TENM3: variants seen among roughly 807,000 people sequenced by gnomAD.
TENM3 encodes teneurin-3.
A neutral mutation model predicts 255.1 loss-of-function variants in TENM3; 63 were observed. The ratio of observed to expected loss-of-function variants is 0.25; its 90% CI spans 0.20 to 0.30. The LOEUF is 0.30. Among genes scored for constraint, TENM3 ranks in the 10% least tolerant of loss-of-function variants. The pLI is 1.00. For missense variants in TENM3, 2,929 were observed against 3,461.1 expected (o/e 0.85, Z 3.86); for synonymous variants, 1,306 against 1,322.3 (o/e 0.99, Z 0.27).
chr4:181,767,750 A>C, the TENM3 span, among the ~76,000 whole-genome samples: 1 of 152,088 alleles, frequency 6.6e-6, no homozygotes, highest in Non-Finnish European at 1.5e-5. Flanking sequence ...TCTATGAATT[A>C]GTTATTCAAC....
the TENM3 span, among the ~76,000 whole-genome samples, chr4:182,048,732 C>T: frequency 6.8e-6 from 1 of 146,448 alleles, no homozygotes; most frequent in African/African-American, 2.6e-5. Context: ...TCATGAGAGC[C>T]AATCTCACTT....
chr4:182,047,756 G>C, the TENM3 span, among the ~76,000 whole-genome samples: 2 of 151,890 alleles, frequency 1.3e-5, no homozygotes, highest in East Asian at 1.9e-4. Context: ...TAAGTGCATC[G>C]TACCCCATTC....
the TENM3 span, among the ~76,000 whole-genome samples, chr4:181,633,013 C>G: frequency 1.3e-5 from 2 of 152,166 alleles, no homozygotes; most frequent in Admixed American, 1.3e-4. Context: ...CCATGACAAA[C>G]ATGCTCTCAG....
At chr4:182,562,557 A>G (rs1286762114) in intron 3 of TENM3, among the ~76,000 whole-genome samples, 3 of 151,962 alleles carry the variant, frequency 2.0e-5, no homozygotes, top group African/African-American at 7.3e-5. Flanking sequence ...TGGCTGCCCT[A>G]CCGTGACACC....
chr4:182,090,434 G>C, the TENM3 span, among the ~76,000 whole-genome samples: 2 of 152,118 alleles, frequency 1.3e-5, no homozygotes, highest in Non-Finnish European at 1.5e-5. Flanking sequence ...CCCTCCAACT[G>C]AATAAAGATC....
chr4:181,484,581 C>G, the TENM3 span, among the ~76,000 whole-genome samples: 1 of 152,180 alleles, frequency 6.6e-6, no homozygotes, highest in Non-Finnish European at 1.5e-5. Context: ...TTGTAACTGA[C>G]ACTAGAGGCC....
At chr4:182,382,649 G>A (rs1474522095) in intron 3 of TENM3, among the ~76,000 whole-genome samples, 4 of 152,130 alleles carry the variant, frequency 2.6e-5, no homozygotes, top group Non-Finnish European at 4.4e-5. Flanking sequence ...TGCCCAGGCT[G>A]CCTCCCAGAT....
chr4:182,778,054 C>CTT (rs1764844028), intron 24 of TENM3, among the ~76,000 whole-genome samples: 1 of 151,974 alleles, frequency 6.6e-6, no homozygotes, highest in African/African-American at 2.4e-5. Flanking sequence ...CCATTCTGTA[C>CTT]TTACTTGTTT....
At chr4:182,489,577 A>C (rs1164102020) in intron 3 of TENM3, among the ~76,000 whole-genome samples, 1 of 152,180 alleles carries the variant, frequency 6.6e-6, no homozygotes, top group Non-Finnish European at 1.5e-5. Context: ...AGTTATAAAA[A>C]CACCATACTG....
At chr4:181,966,534 T>C in the TENM3 span, among the ~76,000 whole-genome samples, 3 of 152,200 alleles carry the variant, frequency 2.0e-5, no homozygotes, top group Non-Finnish European at 2.9e-5. Flanking sequence ...TGGTGTCTTC[T>C]GTCTTCCCCA....
At chr4:181,738,656 T>C in the TENM3 span, among the ~76,000 whole-genome samples, 2 of 151,932 alleles carry the variant, frequency 1.3e-5, no homozygotes, top group African/African-American at 4.8e-5. Context: ...TTAGTTTTCC[T>C]ATTTGCTTTT....
At position 182,778,651 on chromosome 4, in the gene TENM3, T is replaced by G. The variant is rs151265461; in HGVS notation, c.5304+3498T>G. Among the ~76,000 whole-genome samples, 90 of 152,350 alleles carry G rather than the reference T, an allele frequency of 5.9e-4. 1 individual carries two copies. The East Asian group carries it at 0.016, about 28-fold the overall frequency. ...GAAAATTGTGTAGCGTCATATTCTT[T>G]TCAAGCATATTCCAGAGGGAAGATT... On this transcript the variant is annotated intron_variant, in intron 24 of 27. Transcript: ENST00000511685.
At chr4:182,162,609 T>A (rs1205716974) in intron 1 of TENM3, among the ~76,000 whole-genome samples, 1 of 152,098 alleles carries the variant, frequency 6.6e-6, no homozygotes, top group Non-Finnish European at 1.5e-5. Flanking sequence ...GACTAGACAG[T>A]TTATAGACAA....
the TENM3 span, among the ~76,000 whole-genome samples, chr4:181,527,399 C>T: frequency 2.4e-3 from 365 of 152,094 alleles, 2 homozygotes; most frequent in African/African-American, 8.2e-3. Context: ...GACAGAGTCT[C>T]GCTTTGTCAC....
chr4:182,118,175 G>A, the TENM3 span, among the ~76,000 whole-genome samples: 1 of 151,892 alleles, frequency 6.6e-6, no homozygotes, highest in East Asian at 1.9e-4. Flanking sequence ...AATTCCAGGA[G>A]GTTTTTTTGT....
At chr4:181,593,826 A>G in the TENM3 span, among the ~76,000 whole-genome samples, 30 of 152,320 alleles carry the variant, frequency 2.0e-4, no homozygotes, top group African/African-American at 6.3e-4. Flanking sequence ...AGTTGGAGGT[A>G]TGGAAAATAT....
At chr4:182,730,492 ACTT>A (rs1352180408) in intron 15 of TENM3, among the ~76,000 whole-genome samples, 173 bp downstream of exon 15, 1 of 152,244 alleles carries the variant, frequency 6.6e-6, no homozygotes, top group Non-Finnish European at 1.5e-5. Flanking sequence ...ATACTCACAT[ACTT>A]CTTCAAAAGT....
rs764787578 is a variant in TENM3 at position 182,793,015 on chromosome 4, A to C, written c.6343A>C (p.Arg2115=). 10 of 1,613,958 alleles carry C rather than the reference A, an allele frequency of 6.2e-6. No individual in the cohort carries two copies. The highest frequency in any genetic ancestry group is 7.6e-6 in the Non-Finnish European group (9 of 1,179,864). ...QYDNMGRVTK[R]EIKIGPFANT... ...TGATAACATGGGTCGGGTAACCAAG[A>C]GAGAGATTAAAATAGGGCCCTTTGC... The change falls in exon 26 of 28, where the codon AGA becomes CGA. Residue 2115 remains arginine, a synonymous_variant. Transcript: ENST00000511685. The surrounding 1 kb of genome is among the most constrained non-coding windows in gnomAD (Gnocchi z 5.7).
At chr4:182,656,831 A>G (rs1421834172) in intron 6 of TENM3, among the ~76,000 whole-genome samples, 1 of 152,192 alleles carries the variant, frequency 6.6e-6, no homozygotes, top group African/African-American at 2.4e-5. Context: ...CAGTGAGCCA[A>G]AGCTTCTAAA....
Sources: gnomAD v4.1 joint callset for allele counts (sites outside exome capture counted in the v4.1 genomes callset) on GRCh38, gnomAD v4.1.1 for gene constraint, Gnocchi (gnomAD v3.1) non-coding constraint, MANE v1.5 for transcripts, NCBI Gene and HGNC (gene_info 2026-07-23, HGNC 2026-07-21) for gene names.